The following NID1 variants were observed in gnomAD, a reference collection of about 807,000 sequenced individuals.
NID1 encodes nidogen-1.
NID1 carries 76 observed loss-of-function variants against 130.6 expected under a neutral mutation model. That is an observed-to-expected ratio of 0.58 (90% CI 0.48 to 0.70). The LOEUF (loss-of-function observed/expected upper bound fraction) is 0.70, where lower values mean the gene tolerates loss of function less well. NID1 is among the 30% of genes least tolerant of loss of function. The pLI, the probability that NID1 is intolerant of heterozygous loss-of-function variation, is 0.00. For missense variants in NID1, 1,517 were observed against 1,664.8 expected, an observed-to-expected ratio of 0.91 and a Z score of 1.54; for synonymous variants, 665 against 675.1, an observed-to-expected ratio of 0.98 and a Z score of 0.23.
rs766098395 is a variant in NID1 at position 236,011,974 on chromosome 1, G to A, written c.2474C>T (p.Thr825Met). ...CTGATAACCAGGTTTGCACTGGCAC[G>A]TGAAAGAGCCTGGAGTGTTGTAGCA... ...AFCYNTPGSF[T>M]CQCKPGYQGD... Residue 825 changes from threonine (T) to methionine (M), a missense_variant, in exon 12 of 20, where the codon ACG becomes ATG. Physicochemically the swap from Thr to Met is moderately conservative, Grantham distance 81 (BLOSUM62 -1). Around this residue, in one of 3 missense-constraint regions of NID1, gnomAD observed 1,329 missense variants for 1,429.2 expected, o/e 0.93. Transcript: ENST00000264187. The A allele has an allele frequency of 1.5e-5, 25 of 1,614,124 alleles. No individual in the cohort carries two copies. The highest frequency in any genetic ancestry group is 1.9e-5 in the Non-Finnish European group (23 of 1,180,048).
At position 235,977,596 on chromosome 1, in the gene NID1, T is replaced by C. The variant is rs921536469; in HGVS notation, c.*271A>G. ...GTCCTAGGACACTGGGATGGGCATG[T>C]AATCCTCACTCAGGGGTGTATAAGT... is the stretch of plus-strand genomic sequence containing the variant. On this transcript the variant is annotated 3_prime_UTR_variant, in exon 20 of 20. Transcript: ENST00000264187. 2 of 392,854 alleles carry C rather than the reference T, an allele frequency of 5.1e-6. No homozygotes were observed. The highest frequency in any genetic ancestry group is 9.4e-6 in the Non-Finnish European group (2 of 212,940). The allele number at this position is 392,854 out of a possible 1,614,324, so 24.3% of individuals were successfully genotyped here.
intron 14 of NID1, among the ~76,000 whole-genome samples, chr1:235,988,560 C>T (rs1256725320): frequency 1.3e-5 from 2 of 152,134 alleles, no homozygotes; most frequent in Admixed American, 6.6e-5. Flanking sequence ...AGCAGGGACT[C>T]GAACAGATAT....
intron 1 of NID1, among the ~76,000 whole-genome samples, chr1:236,056,150 T>C (rs1659893636): frequency 6.6e-6 from 1 of 152,128 alleles, no homozygotes; most frequent in African/African-American, 2.4e-5. Context: ...TCGCAATGGA[T>C]TGAAGAATTA....
At chr1:235,988,862 A>G (rs1657643867) in intron 14 of NID1, among the ~76,000 whole-genome samples, 1 of 152,166 alleles carries the variant, frequency 6.6e-6, no homozygotes, top group Non-Finnish European at 1.5e-5. Flanking sequence ...AGGGGCTAGG[A>G]CATGGGTGGA....
intron 14 of NID1, 128 bp downstream of exon 14, chr1:235,990,755 CCAG>C: frequency 1.1e-6 from 1 of 925,414 alleles, no homozygotes; most frequent in Non-Finnish European, 1.7e-6. Flanking sequence ...AGATGGTCAC[CCAG>C]GACTACATGG....
chr1:236,015,997 C>T lies in NID1; in HGVS notation c.2254+1151G>A, dbSNP rs539632127. Among the ~76,000 whole-genome samples, 10 of 152,244 alleles carry T rather than the reference C, an allele frequency of 6.6e-5. No individual in the cohort carries two copies. The East Asian group carries it at 1.9e-3, about 29-fold the overall frequency. On this transcript the variant is annotated intron_variant, in intron 10 of 19. Transcript: ENST00000264187. ...CAGGATGGATCTCAGTTACTGTGCA[C>T]ATCAGCACCCAAGGGATAAAGTATC...
chr1:236,043,584 G>A (rs1659515072), intron 3 of NID1, among the ~76,000 whole-genome samples: 1 of 152,080 alleles, frequency 6.6e-6, no homozygotes, highest in Admixed American at 6.5e-5. Flanking sequence ...AGATCATGAG[G>A]TCAGGAGATC....
rs1039587699 is a variant in NID1 at position 236,038,129 on chromosome 1, G to A, written c.1260C>T (p.Gly420=). Residue 420 remains glycine, a synonymous_variant, in exon 5 of 20, where the codon GGC becomes GGT. Coordinates refer to ENST00000264187, the MANE Select transcript of NID1 (RefSeq NM_002508.3). The stretch of plus-strand genomic sequence containing the variant: ...CTTCTGCAACACATTGCCTGCCATT[G>A]CCCGTATAGCCAGCGACACAGCTGC... ...FCCSCVAGYT[G]NGRQCVAEGS... is the part of the protein sequence containing the mutation. 1.9e-6 allele frequency: 3 copies of A among 1,603,860 alleles called. No homozygotes were observed. The highest frequency in any genetic ancestry group is 1.3e-5 in the African/African-American group (1 of 74,862).
chr1:236,037,519 T>A (rs1440215776), intron 5 of NID1, among the ~76,000 whole-genome samples: 1 of 151,930 alleles, frequency 6.6e-6, no homozygotes, highest in Non-Finnish European at 1.5e-5. Context: ...TTAGCTGGGT[T>A]TGGTGGCGCA....
chr1:235,993,576 T>C (rs1657826622), intron 13 of NID1, 69 bp downstream of exon 13: 27 of 1,314,002 alleles, frequency 2.1e-5, no homozygotes, highest in Admixed American at 5.0e-5. Context: ...GCAAAGAGCG[T>C]GTTCAGCAAT....
At chr1:236,064,218 C>T (rs1176033460) in intron 1 of NID1, among the ~76,000 whole-genome samples, 2 of 152,202 alleles carry the variant, frequency 1.3e-5, no homozygotes, top group Non-Finnish European at 2.9e-5. Context: ...TGGTCCCGCT[C>T]CTCGTTTGGG....
intron 9 of NID1, among the ~76,000 whole-genome samples, chr1:236,017,633 C>T (rs1658640231): frequency 6.6e-6 from 1 of 152,246 alleles, no homozygotes; most frequent in South Asian, 2.1e-4. Flanking sequence ...ATCCACCCGC[C>T]TTGGCCTCCC....
chr1:236,041,756 C>T (rs1659458048), intron 4 of NID1, among the ~76,000 whole-genome samples, 154 bp downstream of exon 4: 1 of 152,186 alleles, frequency 6.6e-6, no homozygotes, highest in South Asian at 2.1e-4. Flanking sequence ...AACACCAAGG[C>T]TCCACGGCTG....
chr1:236,047,998 C>G (rs1009115646), intron 2 of NID1, among the ~76,000 whole-genome samples: 2 of 132,924 alleles, frequency 1.5e-5, no homozygotes, highest in Non-Finnish European at 3.1e-5. Context: ...TGTACTCCAG[C>G]CTGGGCAACA....
rs138506890 is a variant in NID1, at chr1:236,059,861, G to A, written c.225+4994C>T. Among the ~76,000 whole-genome samples the A allele has an allele frequency of 2.4e-4, 36 of 152,272 alleles. 1 individual carries two copies. The highest frequency in any genetic ancestry group is 8.4e-4 in the African/African-American group (35 of 41,572). ...TCACGCCTGTAATCCCAGCACTTTG[G>A]GAGGCTGAGATGGGAGGATCACGAG... On this transcript the variant is annotated intron_variant, in intron 1 of 19. Coordinates refer to ENST00000264187, the MANE Select transcript of NID1 (RefSeq NM_002508.3).
At chr1:236,035,197 T>C (rs1659219867) in intron 5 of NID1, among the ~76,000 whole-genome samples, 1 of 112,552 alleles carries the variant, frequency 8.9e-6, no homozygotes, top group African/African-American at 3.7e-5. Context: ...CCTGTGTCCA[T>C]GTGATCTCAT....
chr1:236,060,160 A>G (rs1223165382), intron 1 of NID1, among the ~76,000 whole-genome samples: 2 of 151,738 alleles, frequency 1.3e-5, no homozygotes, highest in African/African-American at 2.4e-5. Context: ...AAGGGCTGCT[A>G]GTAGCCCATT....
chr1:235,984,587 G>A (rs946967389), intron 15 of NID1, among the ~76,000 whole-genome samples: 6 of 152,308 alleles, frequency 3.9e-5, no homozygotes, highest in South Asian at 2.1e-4. Flanking sequence ...TGCAGAGAAC[G>A]CAAGGTGACT....
At chr1:236,028,316 G>A (rs1349468136) in intron 7 of NID1, among the ~76,000 whole-genome samples, 1 of 152,166 alleles carries the variant, frequency 6.6e-6, no homozygotes, top group Non-Finnish European at 1.5e-5. Flanking sequence ...AAAACTATAA[G>A]CATGGGTAAC....
Sources: gnomAD v4.1 joint callset for allele counts (sites outside exome capture counted in the v4.1 genomes callset) on GRCh38, gnomAD v4.1.1 for gene constraint, gnomAD v4.1.1 regional missense constraint, MANE v1.5 for transcripts, NCBI Gene and HGNC (gene_info 2026-07-23, HGNC 2026-07-21) for gene names.